The following MED12L variants were observed in gnomAD, a reference collection of about 807,000 sequenced individuals.
The protein encoded by MED12L is mediator of RNA polymerase II transcription subunit 12-like protein.
Under a neutral mutation model 281.3 loss-of-function variants are expected in MED12L, and 60 were observed. The ratio of observed to expected loss-of-function variants is 0.21; its 90% CI spans 0.17 to 0.26. The LOEUF is 0.26. Ranked by LOEUF, MED12L falls within the 10% of genes least tolerant of loss-of-function variation. MED12L has a pLI of 1.00. For synonymous variants in MED12L, 974 were observed against 987.2 expected (o/e 0.99, Z 0.25); for missense variants, 2,146 against 2,680.9 (o/e 0.80, Z 4.41).
At chr3:151,327,365 CA>C (rs1483995074) in intron 16 of MED12L, 1 of 152,126 alleles carries the variant, frequency 6.6e-6, no homozygotes, top group Non-Finnish European at 1.5e-5. Flanking sequence ...AAGGTGTAAG[CA>C]AAGTGGCTTA....
At chr3:151,370,283 G>C (rs1257820731) in intron 26 of MED12L, among the ~76,000 whole-genome samples, 1 of 151,918 alleles carries the variant, frequency 6.6e-6, no homozygotes, top group African/African-American at 2.4e-5. Flanking sequence ...TCCAACTTTG[G>C]GTACCTTCTT....
At chr3:151,165,214 G>A (rs1204426091) in intron 9 of MED12L, among the ~76,000 whole-genome samples, 2 of 152,056 alleles carry the variant, frequency 1.3e-5, no homozygotes, top group Non-Finnish European at 2.9e-5. Flanking sequence ...TTATTTTTGT[G>A]AACATTTATT....
At chr3:151,318,135 AT>A (rs750362515) in intron 16 of MED12L, among the ~76,000 whole-genome samples, 248 of 144,860 alleles carry the variant, frequency 1.7e-3, no homozygotes, top group Non-Finnish European at 1.7e-3. Flanking sequence ...TACAATTTTA[AT>A]TTTTTTTTTT....
rs962592663 is a variant in MED12L at position 151,116,327 on chromosome 3, C to T, written c.100-11C>T. On this transcript the variant is annotated splice_polypyrimidine_tract_variant and intron_variant, in intron 2 of 44. Coordinates refer to ENST00000687756, the MANE Select transcript of MED12L (RefSeq NM_001393769.1). ...CATCCTTCTGCTTAATCAATACCGT[C>T]TCTTGAACAGGATGAACTTACTGCT... The T allele has an allele frequency of 6.3e-7, 1 of 1,595,124 alleles. No individual in the cohort carries two copies. The highest frequency in any genetic ancestry group is 1.7e-5 in the Admixed American group (1 of 59,762).
At chr3:151,302,365 G>A (rs1746053860) in intron 16 of MED12L, among the ~76,000 whole-genome samples, 1 of 152,226 alleles carries the variant, frequency 6.6e-6, no homozygotes, top group Non-Finnish European at 1.5e-5. Flanking sequence ...GAATGTGAAA[G>A]TCAGAACATG....
intron 16 of MED12L, among the ~76,000 whole-genome samples, chr3:151,273,425 T>C (rs1741340040): frequency 7.6e-6 from 1 of 131,238 alleles, no homozygotes; most frequent in Non-Finnish European, 1.6e-5. Flanking sequence ...TTTTTTTTAG[T>C]AGAGACAGAG....
At chr3:151,432,194 G>GT (rs1719610739) in intron 44 of MED12L, among the ~76,000 whole-genome samples, 1 of 152,094 alleles carries the variant, frequency 6.6e-6, no homozygotes, top group African/African-American at 2.4e-5. Context: ...TCATTTTTTG[G>GT]TATCTACTGA....
At position 151,087,111 on chromosome 3, in the gene MED12L, G is replaced by A. The variant is rs546592652; in HGVS notation, c.99+86G>A. ...CCAAGTTGGCCCAGCGGGCATCGCC[G>A]GCGCTGCGGTGGAAGAGGTCGGGGA... is the stretch of plus-strand genomic sequence containing the variant. On this transcript the variant is annotated intron_variant, in intron 2 of 44. Transcript: ENST00000687756. 1.6e-5 allele frequency: 18 copies of A among 1,123,572 alleles called. No homozygotes were observed. The African/African-American group carries it at 2.7e-4, about 17-fold the overall frequency. 69.6% of individuals were successfully genotyped at this position (1,123,572 alleles called of 1,614,324 possible). A position where few individuals can be genotyped will look rare whatever the true frequency, so the allele number is the denominator to read the frequency against.
At chr3:151,212,973 T>A (rs551578008) in intron 16 of MED12L, 1 of 160,634 alleles carries the variant, frequency 6.2e-6, no homozygotes, top group East Asian at 1.8e-4. Flanking sequence ...TTGTGTTTTA[T>A]TTACTATTTA....
At chr3:151,260,453 A>G (rs1235346540) in intron 16 of MED12L, among the ~76,000 whole-genome samples, 1 of 152,056 alleles carries the variant, frequency 6.6e-6, no homozygotes, top group African/African-American at 2.4e-5. Context: ...GGGTTTAAGC[A>G]GTCCTCCCAT....
intron 2 of MED12L, 65 bp from the exon 3 acceptor site, chr3:151,116,273 C>A: frequency 1.8e-6 from 2 of 1,099,094 alleles, no homozygotes; most frequent in South Asian, 1.4e-5. Flanking sequence ...ACTTAGGATG[C>A]AATATGTGGG....
intron 5 of MED12L, among the ~76,000 whole-genome samples, chr3:151,141,747 A>C (rs1717062302): frequency 6.6e-6 from 1 of 152,196 alleles, no homozygotes; most frequent in Non-Finnish European, 1.5e-5. Flanking sequence ...CTTATGAGCA[A>C]ATGAATTAAG....
chr3:151,264,773 G>GTGTA (rs1322890909), intron 16 of MED12L, among the ~76,000 whole-genome samples: 1 of 152,110 alleles, frequency 6.6e-6, no homozygotes, highest in East Asian at 1.9e-4. Context: ...GTGCGTGTGT[G>GTGTA]TGTATGTGTG....
chr3:151,305,379 A>G (rs756567928), intron 16 of MED12L, among the ~76,000 whole-genome samples: 3 of 152,128 alleles, frequency 2.0e-5, no homozygotes, highest in Non-Finnish European at 2.9e-5. Flanking sequence ...CCAGCCACCC[A>G]TTGGTATTTT....
intron 16 of MED12L, among the ~76,000 whole-genome samples, chr3:151,265,286 A>T (rs1559957850): frequency 6.6e-6 from 1 of 152,254 alleles, no homozygotes; most frequent in Non-Finnish European, 1.5e-5. Flanking sequence ...GAAACTGAGT[A>T]GATCTTTTGG....
chr3:151,254,507 T>C (rs532368600), intron 16 of MED12L, among the ~76,000 whole-genome samples: 3 of 152,334 alleles, frequency 2.0e-5, no homozygotes, highest in African/African-American at 7.2e-5. Flanking sequence ...AGTTGAGATA[T>C]GTAAACATGC....
At chr3:151,357,792 A>G (rs1348384213) in intron 20 of MED12L, among the ~76,000 whole-genome samples, 1 of 152,306 alleles carries the variant, frequency 6.6e-6, no homozygotes, top group South Asian at 2.1e-4. Context: ...TTGGTTCTTC[A>G]ATTGCATTTC....
Position 151,350,094 on chromosome 3 carries a change from A to T in MED12L, c.2286A>T (p.Thr762=), listed in dbSNP as rs753931672. 6.2e-7 allele frequency: 1 copy of T among 1,613,252 alleles called. No individual in the cohort carries two copies. The highest frequency in any genetic ancestry group is 2.2e-5 in the East Asian group (1 of 44,840). ...ESSSHECNQR[T]ILLYGVGKER... ...CAAGTCATGAATGTAACCAGCGCACAATCCTTCTCTATGGAGTCGGCAAAG... is the reference window on the plus strand; with the variant it reads ...CAAGTCATGAATGTAACCAGCGCACTATCCTTCTCTATGGAGTCGGCAAAG... Residue 762 remains threonine, a synonymous_variant, in exon 17 of 45, where the codon ACA becomes ACT. Transcript: ENST00000687756.
At position 151,376,081 on chromosome 3, in the gene MED12L, A is replaced by T; in HGVS notation, c.3920A>T (p.Glu1307Val). 1 of 1,611,006 alleles carries T rather than the reference A, an allele frequency of 6.2e-7. No individual in the cohort carries two copies. Among genetic ancestry groups the T allele is most frequent in the Non-Finnish European group, 8.5e-7 (1 of 1,178,958 alleles). ...CCTGAAAGATTATGTACAGACAAAG[A>T]ACTTATATTGGACCCTGTGCTTTCA... is the stretch of plus-strand genomic sequence containing the variant. ...KEPERLCTDKELILDPVLSNM... is the reference protein window; with the variant it reads ...KEPERLCTDKVLILDPVLSNM... Residue 1307 changes from glutamate to valine, a missense_variant, in exon 28 of 45, where the codon GAA (glutamate) becomes GTA (valine). Physicochemically the swap from Glu to Val is moderately radical, Grantham distance 121 (BLOSUM62 -2). Coordinates refer to ENST00000687756, the MANE Select transcript of MED12L (RefSeq NM_001393769.1).
Sources: gnomAD v4.1 joint callset for allele counts (sites outside exome capture counted in the v4.1 genomes callset) on GRCh38, gnomAD v4.1.1 for gene constraint, MANE v1.5 for transcripts, NCBI Gene and HGNC (gene_info 2026-07-23, HGNC 2026-07-21) for gene names.